The following KCNN2 variants were observed in gnomAD, a reference collection of about 807,000 sequenced individuals.
KCNN2 encodes potassium calcium-activated channel subfamily N member 2, also known as small conductance calcium-activated potassium channel protein 2.
KCNN2 carries 24 observed loss-of-function variants against 55.5 expected under a neutral mutation model. The observed-to-expected ratio is 0.43, with a 90% confidence interval of 0.31 to 0.61. KCNN2 has a LOEUF of 0.61. Among genes scored for constraint, KCNN2 ranks in the 20% least tolerant of loss-of-function variants. The pLI is 0.08. For synonymous variants in KCNN2, 431 were observed against 336.1 expected (o/e 1.28, Z -3.09); for missense variants, 754 against 853.6 (o/e 0.88, Z 1.45).
intron 4 of KCNN2, among the ~76,000 whole-genome samples, chr5:114,463,849 T>G (rs187928911): frequency 6.6e-6 from 1 of 152,200 alleles, no homozygotes. Context: ...AATTGATTTT[T>G]ACGCTGAAGT....
chr5:114,371,049 G>A (rs1277304023), intron 2 of KCNN2, among the ~76,000 whole-genome samples: 1 of 152,162 alleles, frequency 6.6e-6, no homozygotes, highest in African/African-American at 2.4e-5. Flanking sequence ...CTGATTGGAG[G>A]TAGAACAGAC....
intron 2 of KCNN2, among the ~76,000 whole-genome samples, chr5:114,231,208 C>T (rs370111561): frequency 1.4e-4 from 5 of 36,678 alleles, no homozygotes; most frequent in African/African-American, 4.5e-4. Context: ...GAGTAGGTTG[C>T]GAAAATTTTC....
intron 1 of KCNN2, among the ~76,000 whole-genome samples, chr5:114,209,062 C>CT (rs34525244): frequency 0.48 from 70,461 of 146,764 alleles, 17,449 homozygotes; most frequent in Non-Finnish European, 0.56. Context: ...TGACTTCTGC[C>CT]TTTTTTTTTT....
intron 2 of KCNN2, among the ~76,000 whole-genome samples, chr5:114,381,666 C>T (rs1399700033): frequency 6.6e-6 from 1 of 152,228 alleles, no homozygotes; most frequent in Non-Finnish European, 1.5e-5. Flanking sequence ...TCTCTAACAT[C>T]ACCTCCTCTG....
At chr5:114,430,511 C>T (rs1328908087) in intron 3 of KCNN2, among the ~76,000 whole-genome samples, 1 of 151,988 alleles carries the variant, frequency 6.6e-6, no homozygotes, top group African/African-American at 2.4e-5. Context: ...CTTGTCCCTT[C>T]CTTGGGATTT....
At chr5:114,491,439 A>G (rs1326525714) in intron 6 of KCNN2, among the ~76,000 whole-genome samples, 1 of 151,626 alleles carries the variant, frequency 6.6e-6, no homozygotes, top group African/African-American at 2.4e-5. Flanking sequence ...TTGATAGTTG[A>G]AACACCGATA....
chr5:114,452,252 T>C (rs1760726510), intron 3 of KCNN2, among the ~76,000 whole-genome samples: 1 of 152,204 alleles, frequency 6.6e-6, no homozygotes, highest in African/African-American at 2.4e-5. Flanking sequence ...ATTAAAGTGT[T>C]TGGACTTACT....
At chr5:114,339,670 G>C (rs542130509) in intron 2 of KCNN2, among the ~76,000 whole-genome samples, 2 of 151,994 alleles carry the variant, frequency 1.3e-5, no homozygotes, top group African/African-American at 4.8e-5. Context: ...AGGCATGGTG[G>C]TGTATGCCTA....
At chr5:114,267,318 T>C (rs1755230747) in intron 2 of KCNN2, among the ~76,000 whole-genome samples, 2 of 152,152 alleles carry the variant, frequency 1.3e-5, no homozygotes, top group South Asian at 2.1e-4. Flanking sequence ...AATGAAGCTT[T>C]CCTAGGCAGG....
At chr5:114,356,982 A>T (rs1024913845) in intron 2 of KCNN2, among the ~76,000 whole-genome samples, 1 of 151,976 alleles carries the variant, frequency 6.6e-6, no homozygotes, top group Admixed American at 6.6e-5. Context: ...TCTCATCACA[A>T]CCTCTGCGTT....
chr5:114,414,033 T>C (rs1000993669), intron 3 of KCNN2, among the ~76,000 whole-genome samples: 9 of 152,232 alleles, frequency 5.9e-5, no homozygotes, highest in African/African-American at 2.2e-4. Flanking sequence ...AGGAAATTAA[T>C]ACATTTCTTA....
chr5:114,264,967 G>C, intron 2 of KCNN2, among the ~76,000 whole-genome samples: 1 of 152,118 alleles, frequency 6.6e-6, no homozygotes. Flanking sequence ...TCCTTTTTGT[G>C]TCTACCATTT....
intron 4 of KCNN2, among the ~76,000 whole-genome samples, chr5:114,468,413 G>T (rs1761555446): frequency 6.6e-6 from 1 of 152,154 alleles, no homozygotes; most frequent in South Asian, 2.1e-4. Context: ...ATGTGTTCAA[G>T]TATTTGTTTT....
intron 2 of KCNN2, among the ~76,000 whole-genome samples, chr5:114,370,223 T>C (rs1385156155): frequency 6.6e-6 from 1 of 152,172 alleles, no homozygotes; most frequent in Non-Finnish European, 1.5e-5. Flanking sequence ...CAGTTCCTGC[T>C]TAAACTCTTT....
chr5:114,488,243 G>A (rs1313391464), intron 6 of KCNN2, among the ~76,000 whole-genome samples: 1 of 152,100 alleles, frequency 6.6e-6, no homozygotes, highest in Non-Finnish European at 1.5e-5. Context: ...TAAAACTCAA[G>A]TATCCTGAGA....
intron 1 of KCNN2, among the ~76,000 whole-genome samples, chr5:114,066,975 A>G (rs1416845247): frequency 6.6e-6 from 1 of 152,228 alleles, no homozygotes; most frequent in Non-Finnish European, 1.5e-5. Context: ...ACTGATATAT[A>G]AACTGAATAT....
chr5:114,292,064 G>A (rs558392784), intron 2 of KCNN2, among the ~76,000 whole-genome samples: 1 of 151,338 alleles, frequency 6.6e-6, no homozygotes, highest in Non-Finnish European at 1.5e-5. Context: ...TAAATTTGTT[G>A]GAGTTCATTG....
intron 1 of KCNN2, among the ~76,000 whole-genome samples, chr5:114,174,391 A>G (rs889647909): frequency 3.2e-4 from 48 of 152,128 alleles, no homozygotes; most frequent in African/African-American, 1.1e-3. Context: ...TGGTTGCCTT[A>G]TAGAATTTGG....
chr5:114,156,011 T>C (rs561483856), intron 1 of KCNN2, among the ~76,000 whole-genome samples: 2 of 152,346 alleles, frequency 1.3e-5, no homozygotes, highest in Non-Finnish European at 2.9e-5. Flanking sequence ...TTTATAGTTT[T>C]GGGTTTTACA....
Sources: allele counts gnomAD v4.1 joint callset (sites outside exome capture counted in the v4.1 genomes callset), GRCh38; gene constraint gnomAD v4.1.1; transcripts MANE v1.5; gene names NCBI Gene and HGNC (gene_info 2026-07-23, HGNC 2026-07-21).